The following LRIG1 variants were observed in gnomAD, a reference collection of about 807,000 sequenced individuals.
LRIG1 encodes leucine rich repeats and immunoglobulin like domains 1.
Under a neutral mutation model 99.2 loss-of-function variants are expected in LRIG1, and 48 were observed. That is an observed-to-expected ratio of 0.48 (90% CI 0.38 to 0.62). The LOEUF (loss-of-function observed/expected upper bound fraction) is 0.62, where lower values mean the gene tolerates loss of function less well. Ranked by LOEUF, LRIG1 falls within the 20% of genes least tolerant of loss-of-function variation. The pLI is 0.00. For synonymous variants in LRIG1, 772 were observed against 596.1 expected, an observed-to-expected ratio of 1.29 and a Z score of -4.30; for missense variants, 1,646 against 1,434.4, an observed-to-expected ratio of 1.15 and a Z score of -2.38.
In LRIG1 at chr3:66,384,137, G is replaced by A; in HGVS notation, c.1925C>T (p.Ala642Val). ...WQKDGGTDFP[A>V]ARERRMHVMP... is the part of the protein sequence containing the mutation. ...GACATGCATGCGTCGCTCACGGGCAGCGGGGAAATCCGTGCCTCCATCCTT... is the reference window on the plus strand; with the variant it reads ...GACATGCATGCGTCGCTCACGGGCAACGGGGAAATCCGTGCCTCCATCCTT... The change falls in exon 14 of 19, where the codon GCT becomes GTT. Residue 642 changes from alanine to valine, a missense_variant. Ala to Val is a moderately conservative substitution (Grantham distance 64, BLOSUM62 0). Coordinates refer to ENST00000273261, the MANE Select transcript of LRIG1 (RefSeq NM_015541.3). 1 of 1,614,216 alleles carries A rather than the reference G, an allele frequency of 6.2e-7. No individual in the cohort carries two copies. Among genetic ancestry groups the A allele is most frequent in the South Asian group, 1.1e-5 (1 of 91,078 alleles).
chr3:66,381,776 C>T (rs994413967), intron 16 of LRIG1, 145 bp from the exon 17 acceptor site: 7 of 872,316 alleles, frequency 8.0e-6, no homozygotes, highest in African/African-American at 6.7e-5. Context: ...TGGCAAGCAG[C>T]GTGTTTTCTG....
chr3:66,453,191 A>G (rs1408548605), intron 2 of LRIG1, among the ~76,000 whole-genome samples: 1 of 152,232 alleles, frequency 6.6e-6, no homozygotes, highest in Non-Finnish European at 1.5e-5. Context: ...AAGAAAAACT[A>G]AGGTCGGGGA....
At chr3:66,423,854 T>A (rs1702894978) in intron 3 of LRIG1, among the ~76,000 whole-genome samples, 2 of 152,250 alleles carry the variant, frequency 1.3e-5, no homozygotes, top group Non-Finnish European at 2.9e-5. Context: ...TGGGCTGATA[T>A]GACCTGACAC....
At chr3:66,386,428 C>A in intron 12 of LRIG1, 127 bp from the exon 13 acceptor site, 1 of 750,748 alleles carries the variant, frequency 1.3e-6, no homozygotes. Context: ...CCCTGTGCAT[C>A]CTCAGCCCCA....
At chr3:66,419,545 T>G (rs565075503) in intron 3 of LRIG1, among the ~76,000 whole-genome samples, 138 of 152,202 alleles carry the variant, frequency 9.1e-4, no homozygotes, top group African/African-American at 3.3e-3. Flanking sequence ...GGTAGGATGC[T>G]GAGGCCAGGA....
rs1354853804 is a variant in LRIG1, at chr3:66,388,439, G to T, written c.1469-2138C>A. On this transcript the variant is annotated intron_variant, in intron 12 of 18. Transcript: ENST00000273261. Reference sequence around the variant, plus strand: ...AAGAAGGAGAAGAAAGAAAAAGGAAGAGAAAAAGTATCTGCAAAACAATGG... The same window carrying T: ...AAGAAGGAGAAGAAAGAAAAAGGAATAGAAAAAGTATCTGCAAAACAATGG... Among the ~76,000 whole-genome samples, 6 of 151,910 alleles carry T rather than the reference G, an allele frequency of 3.9e-5. No individual in the cohort carries two copies. In the East Asian group the frequency reaches 1.2e-3, roughly 29 times the overall value.
chr3:66,468,465 C>T (rs1236174077), intron 1 of LRIG1, among the ~76,000 whole-genome samples: 2 of 152,158 alleles, frequency 1.3e-5, no homozygotes, highest in Admixed American at 6.5e-5. Flanking sequence ...GTTTGGTTTC[C>T]AGGCTAGCCT....
rs1172195271 is a variant in LRIG1 at position 66,442,694 on chromosome 3, G to C, written c.365+8865C>G. 2.6e-5 allele frequency among the ~76,000 whole-genome samples: 4 copies of C among 152,126 alleles called. 1 individual carries two copies. The highest frequency in any genetic ancestry group is 4.2e-4 in the South Asian group (2 of 4,804). ...GCAACCCGGGTCCCCAGTGGATCTTGGGCTATATTTAAAGCTTGCATGGTC... is the reference window on the plus strand; with the variant it reads ...GCAACCCGGGTCCCCAGTGGATCTTCGGCTATATTTAAAGCTTGCATGGTC... On this transcript the variant is annotated intron_variant, in intron 3 of 18. Transcript: ENST00000273261.
At position 66,407,417 on chromosome 3, in the gene LRIG1, C is replaced by T. The variant is rs753322104; in HGVS notation, c.1010G>A (p.Arg337His). The change falls in exon 8 of 19, where the codon CGT becomes CAT. Residue 337 changes from arginine (R) to histidine (H), a missense_variant. Coordinates refer to ENST00000273261, the MANE Select transcript of LRIG1 (RefSeq NM_015541.3). The part of the protein sequence containing the change: ...LAELSSLSVL[R>H]LSHNSISHIA... Reference sequence around the variant, plus strand: ...GTGGCTGATGGAATTGTGGCTGAGACGCAGGACACTCAGGCTGCTCAGCTC... The same window carrying T: ...GTGGCTGATGGAATTGTGGCTGAGATGCAGGACACTCAGGCTGCTCAGCTC... 18 of 1,613,866 alleles carry T rather than the reference C, an allele frequency of 1.1e-5. No individual in the cohort carries two copies. The East Asian group carries it at 1.3e-4, about 12-fold the overall frequency.
chr3:66,388,826 AC>A (rs1465837459), intron 12 of LRIG1, among the ~76,000 whole-genome samples: 1 of 152,236 alleles, frequency 6.6e-6, no homozygotes, highest in Non-Finnish European at 1.5e-5. Flanking sequence ...GAGCAAGTTG[AC>A]TGTTATCAGG....
chr3:66,412,355 G>A (rs1482845275), intron 6 of LRIG1, among the ~76,000 whole-genome samples: 3 of 152,178 alleles, frequency 2.0e-5, no homozygotes, highest in African/African-American at 4.8e-5. Context: ...GCAGCCCCAC[G>A]TTCACCGAAG....
Position 66,421,588 on chromosome 3 carries a change from C to T in LRIG1, c.366-4322G>A, listed in dbSNP as rs6762148. 6.4e-3 allele frequency among the ~76,000 whole-genome samples: 976 copies of T among 152,332 alleles called. 11 individuals carry two copies. The highest frequency in any genetic ancestry group is 0.022 in the African/African-American group (897 of 41,564). ...TTGCAGGGTATAGCCTCCCTCCCAG[C>T]TGCTTTCACAGGCTGGCGTTGAGTG... On this transcript the variant is annotated intron_variant, in intron 3 of 18. Coordinates refer to ENST00000273261, the MANE Select transcript of LRIG1 (RefSeq NM_015541.3).
intron 1 of LRIG1, among the ~76,000 whole-genome samples, chr3:66,482,249 G>A (rs1241282403): frequency 6.6e-6 from 1 of 152,368 alleles, no homozygotes; most frequent in South Asian, 2.1e-4. Flanking sequence ...TGCCTGTTGA[G>A]AGCACAGTTT....
intron 13 of LRIG1, among the ~76,000 whole-genome samples, chr3:66,385,413 G>GACAAA (rs1353013644): frequency 6.6e-6 from 1 of 152,070 alleles, no homozygotes; most frequent in Non-Finnish European, 1.5e-5. Context: ...ATAAGAACTG[G>GACAAA]ACAAAACAAG....
chr3:66,388,835 A>G (rs1382887633), intron 12 of LRIG1, among the ~76,000 whole-genome samples: 1 of 152,238 alleles, frequency 6.6e-6, no homozygotes, highest in African/African-American at 2.4e-5. Context: ...GACTGTTATC[A>G]GGCCTGCCCC....
rs1701339171 is a variant in LRIG1, at chr3:66,500,707, G to C, written c.-300C>G. 1 of 215,356 alleles carries C rather than the reference G, an allele frequency of 4.6e-6. No homozygotes were observed. Among genetic ancestry groups the C allele is most frequent in the African/African-American group, 2.3e-5 (1 of 43,310 alleles). The allele number at this position is 215,356 out of a possible 1,614,324, so 13.3% of individuals were successfully genotyped here. On this transcript the variant is annotated 5_prime_UTR_variant, in exon 1 of 19. Transcript: ENST00000273261. The stretch of plus-strand genomic sequence containing the variant: ...AAGGTGTACCCAGCCTGCGCTCTTC[G>C]TCCGCCCGGGGCACGCCGAGTGCCG...
intron 9 of LRIG1, among the ~76,000 whole-genome samples, chr3:66,403,229 C>T (rs1172061017): frequency 1.3e-5 from 2 of 152,126 alleles, no homozygotes; most frequent in Non-Finnish European, 2.9e-5. Flanking sequence ...GGCATCATAC[C>T]ATTTTCTTTA....
intron 12 of LRIG1, among the ~76,000 whole-genome samples, chr3:66,388,577 C>T (rs1701492847): frequency 6.6e-6 from 1 of 151,906 alleles, no homozygotes; most frequent in South Asian, 2.1e-4. Flanking sequence ...CTGTCAGGTG[C>T]CAAAGACAAA....
intron 9 of LRIG1, among the ~76,000 whole-genome samples, chr3:66,399,299 G>A (rs770312722): frequency 5.9e-5 from 9 of 152,106 alleles, no homozygotes; most frequent in Admixed American, 3.3e-4. Context: ...TGCATGTGCC[G>A]TCTGGCCTAA....
Sources: gnomAD v4.1 joint callset for allele counts (sites outside exome capture counted in the v4.1 genomes callset) on GRCh38, gnomAD v4.1.1 for gene constraint, MANE v1.5 for transcripts, NCBI Gene and HGNC (gene_info 2026-07-23, HGNC 2026-07-21) for gene names.